Variants in OTC observed in about 807,000 individuals in gnomAD.
OTC encodes the protein ornithine transcarbamylase, also known as ornithine transcarbamylase, mitochondrial.
In OTC, 3 loss-of-function variants were observed where a neutral mutation model predicts 30.3. That is an observed-to-expected ratio of 0.10 (90% CI 0.05 to 0.26). The LOEUF (loss-of-function observed/expected upper bound fraction) is 0.26, where lower values mean the gene tolerates loss of function less well. Among genes scored for constraint, OTC ranks in the 10% least tolerant of loss-of-function variants. The pLI is 1.00. For synonymous variants in OTC, 111 were observed against 99.7 expected (o/e 1.11, Z -0.67); for missense variants, 194 against 260.3 (o/e 0.75, Z 1.75).
At chrX:38,369,739 A>G (rs747864925) in intron 2 of OTC, 57 bp from the exon 3 acceptor site, 1 of 604,888 alleles carries the variant, frequency 1.7e-6, no homozygotes, top group East Asian at 4.0e-5. Flanking sequence ...AATATGTTTT[A>G]AAACATAATT....
At chrX:38,398,865 C>T (rs2068470561) in intron 4 of OTC, among the ~76,000 whole-genome samples, 1 of 111,615 alleles carries the variant, frequency 9.0e-6, no homozygotes, top group Non-Finnish European at 1.9e-5. Context: ...AGTTCCGATA[C>T]ACACCCAAGT....
chrX:38,409,132 A>G, intron 8 of OTC, 107 bp downstream of exon 8: 2 of 836,628 alleles, frequency 2.4e-6, no homozygotes, highest in Admixed American at 4.6e-5. Flanking sequence ...TTCATTCCCT[A>G]TAAAAGGACT....
intron 1 of OTC, among the ~76,000 whole-genome samples, chrX:38,354,191 G>A (rs1049899323): frequency 2.0e-4 from 22 of 112,126 alleles, no homozygotes; most frequent in African/African-American, 7.1e-4. Context: ...TTGGAGATAC[G>A]GTGGTAAATA....
chrX:38,407,907 C>T (rs1426717264), intron 6 of OTC, among the ~76,000 whole-genome samples: 1 of 111,643 alleles, frequency 9.0e-6, no homozygotes, highest in African/African-American at 3.3e-5. Context: ...CTGTGGGAAT[C>T]TGGGATACCT....
At chrX:38,371,278 A>T (rs931857044) in intron 3 of OTC, among the ~76,000 whole-genome samples, 2 of 110,767 alleles carry the variant, frequency 1.8e-5, no homozygotes, top group African/African-American at 3.3e-5. Context: ...TGTTAAGGAT[A>T]TTTTTTTTCC....
At chrX:38,344,323 T>C in the OTC span, among the ~76,000 whole-genome samples, 6 of 110,906 alleles carry the variant, frequency 5.4e-5, no homozygotes, top group African/African-American at 2.0e-4. Context: ...TTTCCTTTAC[T>C]ATAATAATTC....
intron 1 of OTC, among the ~76,000 whole-genome samples, chrX:38,359,914 C>CTTTT (rs57184116): frequency 0.033 from 3,124 of 94,221 alleles, 139 homozygotes; most frequent in African/African-American, 0.11. Context: ...TTCTTTCTTT[C>CTTTT]TTTTTTTTTT....
chrX:38,392,950 A>G (rs1285809841), intron 4 of OTC, among the ~76,000 whole-genome samples: 1 of 112,428 alleles, frequency 8.9e-6, no homozygotes, highest in African/African-American at 3.2e-5. Flanking sequence ...TAAACCTAAA[A>G]TAATAAACGT....
intron 4 of OTC, among the ~76,000 whole-genome samples, chrX:38,400,828 G>A (rs1030915321): frequency 8.9e-6 from 1 of 112,819 alleles, no homozygotes; most frequent in Admixed American, 9.4e-5. Flanking sequence ...TCTGTAGGGC[G>A]ATCTGTGTGT....
At chrX:38,333,020 C>A in the OTC span, among the ~76,000 whole-genome samples, 1 of 109,990 alleles carries the variant, frequency 9.1e-6, no homozygotes, top group South Asian at 3.9e-4. Flanking sequence ...TCAAGACCAG[C>A]CTGGGCAACA....
At chrX:38,408,468 T>C (rs2068526365) in intron 6 of OTC, among the ~76,000 whole-genome samples, 1 of 111,857 alleles carries the variant, frequency 8.9e-6, no homozygotes, top group Admixed American at 9.5e-5. Flanking sequence ...AAGAGGTGCT[T>C]CCAAGAGTTA....
intron 5 of OTC, 137 bp downstream of exon 5, chrX:38,401,565 TGTG>T: frequency 1.9e-6 from 1 of 536,500 alleles, no homozygotes; most frequent in East Asian, 3.6e-5. Context: ...ACAGCTTGTG[TGTG>T]CATTTTCTGG....
intron 4 of OTC, among the ~76,000 whole-genome samples, chrX:38,399,023 T>C (rs1370921261): frequency 2.7e-5 from 3 of 112,057 alleles, no homozygotes; most frequent in Non-Finnish European, 5.6e-5. Context: ...AAGGATATTA[T>C]AGACAGAGTC....
chrX:38,361,325 A>G (rs1349557805), intron 1 of OTC, among the ~76,000 whole-genome samples: 1 of 111,592 alleles, frequency 9.0e-6, no homozygotes, highest in South Asian at 3.7e-4. Context: ...TACTGATAGC[A>G]GTGGAAGTTA....
intron 9 of OTC, among the ~76,000 whole-genome samples, chrX:38,413,925 C>T (rs748828086): frequency 9.1e-6 from 1 of 109,921 alleles, no homozygotes; most frequent in East Asian, 2.9e-4. Context: ...CCACCCACCT[C>T]AGCCTCGAAA....
intron 9 of OTC, among the ~76,000 whole-genome samples, chrX:38,415,109 C>T (rs1021546485): frequency 6.4e-4 from 70 of 110,178 alleles, no homozygotes; most frequent in African/African-American, 2.1e-3. Context: ...GACAGAGTCT[C>T]GCTCTGTCAC....
the OTC span, among the ~76,000 whole-genome samples, chrX:38,331,129 G>T: frequency 8.9e-6 from 1 of 111,950 alleles, no homozygotes; most frequent in Non-Finnish European, 1.9e-5. Context: ...AGAGGCTGAG[G>T]GTCAATAAAC....
At chrX:38,328,028 G>A in the OTC span, among the ~76,000 whole-genome samples, 1 of 112,510 alleles carries the variant, frequency 8.9e-6, no homozygotes, top group African/African-American at 3.2e-5. Context: ...AGCTAGTCCA[G>A]CTAGTCCAGC....
At chrX:38,396,182 G>A (rs1196375135) in intron 4 of OTC, among the ~76,000 whole-genome samples, 2 of 106,621 alleles carry the variant, frequency 1.9e-5, no homozygotes, top group African/African-American at 3.4e-5. Context: ...AGCTGGTCTC[G>A]AACTCCTGAC....
Sources: gnomAD v4.1 joint callset for allele counts (sites outside exome capture counted in the v4.1 genomes callset) on GRCh38, gnomAD v4.1.1 for gene constraint, MANE v1.5 for transcripts, NCBI Gene and HGNC (gene_info 2026-07-23, HGNC 2026-07-21) for gene names.